PDE7B: variants seen among roughly 807,000 people sequenced by gnomAD.
PDE7B encodes the protein phosphodiesterase 7B.
In PDE7B, 29 loss-of-function variants were observed where a neutral mutation model predicts 56.2. The observed-to-expected ratio is 0.52, with a 90% CI of 0.38 to 0.70. The LOEUF (loss-of-function observed/expected upper bound fraction) is 0.70, where lower values mean the gene tolerates loss of function less well. PDE7B is among the 30% of genes least tolerant of loss of function. The pLI, the probability that PDE7B is intolerant of heterozygous loss-of-function variation, is 0.00. For missense variants in PDE7B, 490 were observed against 565.0 expected (o/e 0.87, Z 1.35); for synonymous variants, 197 against 196.9 (o/e 1.00, Z 0.00).
chr6:136,098,061 A>G (rs1332288261), intron 2 of PDE7B: 2 of 144,184 alleles, frequency 1.4e-5, no homozygotes. Flanking sequence ...AGGGAACCTC[A>G]CAGCAACCTC....
At chr6:135,895,680 T>G (rs1402812431) in intron 1 of PDE7B, among the ~76,000 whole-genome samples, 4 of 152,106 alleles carry the variant, frequency 2.6e-5, no homozygotes, top group African/African-American at 9.7e-5. Flanking sequence ...AAATAAGGTC[T>G]CATGAAAACA....
intron 1 of PDE7B, among the ~76,000 whole-genome samples, chr6:135,866,100 G>A (rs938077312): frequency 1.3e-5 from 2 of 151,964 alleles, no homozygotes; most frequent in Non-Finnish European, 2.9e-5. Context: ...AAAAACAAAA[G>A]TAGAACACAC....
intron 2 of PDE7B, among the ~76,000 whole-genome samples, chr6:135,998,322 T>C (rs892391432): frequency 6.6e-6 from 1 of 152,242 alleles, no homozygotes; most frequent in Non-Finnish European, 1.5e-5. Flanking sequence ...TAACACATTG[T>C]TCGCCTTGGT....
chr6:136,058,739 A>G (rs142894527), intron 2 of PDE7B, among the ~76,000 whole-genome samples: 50 of 152,286 alleles, frequency 3.3e-4, no homozygotes, highest in African/African-American at 1.2e-3. Context: ...GATGAGGAAG[A>G]GAGATTTTAA....
intron 2 of PDE7B, among the ~76,000 whole-genome samples, chr6:135,991,627 TA>T (rs1249530597): frequency 6.6e-6 from 1 of 152,148 alleles, no homozygotes; most frequent in African/African-American, 2.4e-5. Context: ...ATTTATATGT[TA>T]ATATTAGGTT....
intron 2 of PDE7B, among the ~76,000 whole-genome samples, chr6:136,023,585 ATCTT>A: frequency 6.6e-6 from 1 of 152,322 alleles, no homozygotes; most frequent in Middle Eastern, 3.4e-3. Context: ...CGAGCAGAGC[ATCTT>A]TCTTTCTCCA....
intron 1 of PDE7B, among the ~76,000 whole-genome samples, chr6:135,856,450 G>A (rs1459174171): frequency 2.0e-5 from 3 of 152,118 alleles, no homozygotes; most frequent in African/African-American, 4.8e-5. Context: ...TTTCTTTAGA[G>A]AATAAATGAA....
chr6:135,923,434 CACTA>C (rs1774128189), intron 1 of PDE7B, among the ~76,000 whole-genome samples: 1 of 152,074 alleles, frequency 6.6e-6, no homozygotes, highest in Non-Finnish European at 1.5e-5. Flanking sequence ...GTAAAATTGA[CACTA>C]AGTGATTTGT....
At chr6:135,926,855 T>C (rs1774201052) in intron 1 of PDE7B, among the ~76,000 whole-genome samples, 1 of 152,096 alleles carries the variant, frequency 6.6e-6, no homozygotes, top group African/African-American at 2.4e-5. Flanking sequence ...AGAAGAAAAA[T>C]CAGCAGTAGT....
At chr6:136,011,709 T>C (rs1414872520) in intron 2 of PDE7B, among the ~76,000 whole-genome samples, 3 of 152,152 alleles carry the variant, frequency 2.0e-5, no homozygotes, top group Non-Finnish European at 4.4e-5. Context: ...GGGCAGGCAC[T>C]ATGCATAGTT....
At chr6:136,161,960 G>A (rs1303421800) in intron 8 of PDE7B, 1 of 152,172 alleles carries the variant, frequency 6.6e-6, no homozygotes, top group Non-Finnish European at 1.5e-5. Flanking sequence ...TTTCCAAGGG[G>A]TACACAGGCA....
intron 2 of PDE7B, among the ~76,000 whole-genome samples, chr6:136,090,371 G>C (rs1777367532): frequency 1.3e-5 from 2 of 152,196 alleles, no homozygotes; most frequent in Admixed American, 6.5e-5. Context: ...TAGAGAATTT[G>C]TGCTTTTAGT....
At chr6:136,113,392 T>G (rs1229734371) in intron 3 of PDE7B, among the ~76,000 whole-genome samples, 1 of 152,238 alleles carries the variant, frequency 6.6e-6, no homozygotes, top group Non-Finnish European at 1.5e-5. Flanking sequence ...TAACACTCAT[T>G]AAAAGCTAAT....
intron 3 of PDE7B, chr6:136,115,025 C>T (rs1777808629): frequency 6.6e-6 from 1 of 152,182 alleles, no homozygotes; most frequent in Non-Finnish European, 1.5e-5. Flanking sequence ...CCGACTCTCC[C>T]TATTACTACC....
rs887162468 is a variant in PDE7B, at chr6:136,046,621, C to T, written c.83-62110C>T. 2.6e-4 allele frequency among the ~76,000 whole-genome samples: 40 copies of T among 152,164 alleles called. 1 individual carries two copies. The highest frequency in any genetic ancestry group is 1.7e-3 in the Admixed American group (26 of 15,280). Reference sequence around the variant, plus strand: ...ATGTGCCACTGGGCTCTGCCTGTGACGCTTCCCTGCAATTCCCCAGGGTAT... The same window carrying T: ...ATGTGCCACTGGGCTCTGCCTGTGATGCTTCCCTGCAATTCCCCAGGGTAT... On this transcript the variant is annotated intron_variant, in intron 2 of 12. Transcript: ENST00000308191.
intron 2 of PDE7B, among the ~76,000 whole-genome samples, chr6:136,066,017 A>C (rs1021634140): frequency 2.5e-4 from 37 of 150,704 alleles, no homozygotes; most frequent in African/African-American, 8.8e-4. Context: ...TTCACAATCC[A>C]GTGATTTCCA....
intron 2 of PDE7B, chr6:136,038,455 A>C: frequency 7.8e-7 from 1 of 1,290,128 alleles, no homozygotes; most frequent in Non-Finnish European, 1.0e-6. Context: ...TGGTTTGGAA[A>C]TCCAAAAGTG....
At chr6:135,879,203 G>A (rs1461417602) in intron 1 of PDE7B, among the ~76,000 whole-genome samples, 2 of 151,998 alleles carry the variant, frequency 1.3e-5, no homozygotes, top group African/African-American at 4.8e-5. Context: ...GGACAGAGAT[G>A]AATAAGAAGC....
chr6:136,182,434 T>C (rs1408829274), intron 11 of PDE7B, among the ~76,000 whole-genome samples: 1 of 152,176 alleles, frequency 6.6e-6, no homozygotes, highest in African/African-American at 2.4e-5. Context: ...AAATTAGATA[T>C]AATCAATATT....
Sources: gnomAD v4.1 joint callset for allele counts (sites outside exome capture counted in the v4.1 genomes callset) on GRCh38, gnomAD v4.1.1 for gene constraint, MANE v1.5 for transcripts, NCBI Gene and HGNC (gene_info 2026-07-23, HGNC 2026-07-21) for gene names.